GNL3L: variants seen among roughly 807,000 people sequenced by gnomAD.
The protein encoded by GNL3L is G protein nucleolar 3 like, also known as guanine nucleotide-binding protein-like 3-like protein.
Under a neutral mutation model 42.9 loss-of-function variants are expected in GNL3L, and 4 were observed. That is an observed-to-expected ratio of 0.09 (90% confidence interval 0.05 to 0.21). The LOEUF (loss-of-function observed/expected upper bound fraction) is 0.21. Among genes scored for constraint, GNL3L ranks in the 10% least tolerant of loss-of-function variants. GNL3L has a pLI of 1.00. For synonymous variants in GNL3L, 159 were observed against 176.3 expected (o/e 0.90, Z 0.78); for missense variants, 412 against 481.7 (o/e 0.86, Z 1.36).
chrX:54,597,126 A>G (rs1391199560), intron 16 of GNL3L, among the ~76,000 whole-genome samples: 3 of 111,366 alleles, frequency 2.7e-5, no homozygotes, highest in African/African-American at 9.8e-5. Context: ...CCCCATAGCC[A>G]CTACAGCTGG....
downstream of GNL3L, among the ~76,000 whole-genome samples, chrX:54,571,590 C>G (rs1371566434): frequency 9.3e-6 from 1 of 107,392 alleles, no homozygotes; most frequent in Admixed American, 1.0e-4. Context: ...CCACCTCCGC[C>G]TTGCGAGCAG....
At position 54,601,638 on chromosome X, in the gene GNL3L, C is replaced by G. The variant is rs1435521943; in HGVS notation, c.*46-19207C>G. On this transcript the variant is annotated intron_variant, in intron 16 of 16. Coordinates refer to the GNL3L transcript ENST00000674498. ...TATTATAAATTTTTTGTTTATTGTCCTATAAACTTTAACACATATGTAGAT... is the reference window on the plus strand; with the variant it reads ...TATTATAAATTTTTTGTTTATTGTCGTATAAACTTTAACACATATGTAGAT... 4.5e-5 allele frequency among the ~76,000 whole-genome samples: 5 copies of G among 111,316 alleles called. No individual in the cohort carries two copies. In the Admixed American group the frequency reaches 4.8e-4, roughly 11 times the overall value.
chrX:54,532,578 T>G lies in GNL3L; in HGVS notation c.12T>G (p.Leu4=). The change falls in exon 2 of 16, where the codon CTT becomes CTG. Residue 4 remains leucine (L), a synonymous_variant. Transcript: ENST00000360845. ...TCAAGCTGGTCATCATGATGAAACTTAGACACAGTGAGTTTCCTTTACCAC... is the reference window on the plus strand; with the variant it reads ...TCAAGCTGGTCATCATGATGAAACTGAGACACAGTGAGTTTCCTTTACCAC... MMK[L]RHKNKKPGEG... 8.5e-7 allele frequency: 1 copy of G among 1,181,034 alleles called. No individual in the cohort carries two copies. Among genetic ancestry groups the G allele is most frequent in the African/African-American group, 1.7e-5 (1 of 57,323 alleles).
At chrX:54,543,918 A>G (rs1924696091) in intron 7 of GNL3L, 2 of 229,779 alleles carry the variant, frequency 8.7e-6, no homozygotes, top group Non-Finnish European at 7.6e-6. Context: ...TAGGAAACAC[A>G]ATATTTGGGG....
chrX:54,559,169 G>A (rs1356382908), intron 15 of GNL3L, among the ~76,000 whole-genome samples: 1 of 111,575 alleles, frequency 9.0e-6, no homozygotes, highest in Non-Finnish European at 1.9e-5. Flanking sequence ...CTTCTGTGGG[G>A]CCTGTTAGAA....
At chrX:54,534,781 C>T (rs920132091) in intron 2 of GNL3L, among the ~76,000 whole-genome samples, 1 of 110,875 alleles carries the variant, frequency 9.0e-6, no homozygotes, top group African/African-American at 3.3e-5. Flanking sequence ...TGACTGCACC[C>T]CCTTCTCCTT....
chrX:54,607,036 C>CTT (rs1385455273), intron 16 of GNL3L, among the ~76,000 whole-genome samples: 1 of 65,464 alleles, frequency 1.5e-5, no homozygotes, highest in Non-Finnish European at 2.5e-5. Context: ...TTCTTTCTTT[C>CTT]TTTCTTTCTT....
the GNL3L span, among the ~76,000 whole-genome samples, chrX:54,626,627 C>G: frequency 3.4e-3 from 375 of 111,755 alleles, 2 homozygotes; most frequent in African/African-American, 0.012. Context: ...ACTAATTATA[C>G]TTCCACCAAC....
At position 54,563,297 on chromosome X, in the gene GNL3L, A is replaced by T. The variant is rs1387260594; in HGVS notation, c.*2695A>T. On this transcript the variant is annotated 3_prime_UTR_variant, in exon 16 of 16. Coordinates refer to ENST00000360845, the MANE Select transcript of GNL3L (RefSeq NM_001184819.2). ...ATACATTCAGAATGCACCTCTACTTATGATGGGGCTACTTCCTGGTAAACC... is the reference window on the plus strand; with the variant it reads ...ATACATTCAGAATGCACCTCTACTTTTGATGGGGCTACTTCCTGGTAAACC... Among the ~76,000 whole-genome samples, 1 of 111,780 alleles carries T rather than the reference A, an allele frequency of 8.9e-6. No homozygotes were observed. Among genetic ancestry groups the T allele is most frequent in the African/African-American group, 3.3e-5 (1 of 30,753 alleles).
intron 8 of GNL3L, among the ~76,000 whole-genome samples, chrX:54,545,983 G>A (rs1924762392): frequency 8.9e-6 from 1 of 112,143 alleles, no homozygotes; most frequent in African/African-American, 3.2e-5. Flanking sequence ...TGAGTACCTT[G>A]GACTATAAGT....
rs1301857224 is a variant in GNL3L at position 54,598,021 on chromosome X, A to G, written c.*46-22824A>G. On this transcript the variant is annotated intron_variant, in intron 16 of 16. Coordinates refer to the GNL3L transcript ENST00000674498. ...TTAAAACCAGGTACTGTAAGTGCTT[A>G]CCTGATGTTTTGTTCTTATGAAGGT... Among the ~76,000 whole-genome samples, 8 of 110,890 alleles carry G rather than the reference A, an allele frequency of 7.2e-5. No homozygotes were observed. The Admixed American group carries it at 7.7e-4, about 11-fold the overall frequency.
the GNL3L span, among the ~76,000 whole-genome samples, chrX:54,640,599 A>G: frequency 2.7e-5 from 3 of 112,500 alleles, no homozygotes; most frequent in Admixed American, 2.8e-4. Flanking sequence ...ACCAAAATAT[A>G]TCTCTGCAAG....
intron 16 of GNL3L, among the ~76,000 whole-genome samples, chrX:54,583,136 T>A (rs1925739154): frequency 8.9e-6 from 1 of 111,738 alleles, no homozygotes; most frequent in Non-Finnish European, 1.9e-5. Context: ...CCTAATAGAG[T>A]CTTTCACAGA....
chrX:54,548,479 A>G (rs1474105061), intron 9 of GNL3L, 106 bp downstream of exon 9: 2 of 632,506 alleles, frequency 3.2e-6, no homozygotes, highest in East Asian at 7.1e-5. Context: ...GGGAGAGAGG[A>G]GTGGTTCAGG....
chrX:54,578,999 T>A (rs1165415226), intron 16 of GNL3L, among the ~76,000 whole-genome samples: 1 of 112,376 alleles, frequency 8.9e-6, no homozygotes, highest in African/African-American at 3.2e-5. Context: ...ATGTTCTTAT[T>A]TGACATTCAT....
chrX:54,633,982 TC>T, the GNL3L span, among the ~76,000 whole-genome samples: 1 of 112,735 alleles, frequency 8.9e-6, no homozygotes, highest in Non-Finnish European at 1.9e-5. Flanking sequence ...TGGTGCGAAA[TC>T]AACTGTCAGT....
intron 9 of GNL3L, among the ~76,000 whole-genome samples, chrX:54,548,797 G>A (rs1281277577): frequency 9.0e-6 from 1 of 111,335 alleles, no homozygotes; most frequent in Admixed American, 9.6e-5. Context: ...GGGAAATTGA[G>A]AGAGGCAGAG....
In GNL3L at chrX:54,551,671, G is replaced by A. The variant is rs372448751; in HGVS notation, c.967G>A (p.Val323Ile). ...SEVGTILRNC[V>I]HVQKLADPVT... ...GGTGGGCACCATCCTGCGTAACTGC[G>A]TCCACGTGCAGAAGCTGGCAGACCC... The change falls in exon 11 of 16, where the codon GTC (valine) becomes ATC (isoleucine). Residue 323 changes from valine to isoleucine, a missense_variant. Coordinates refer to ENST00000360845, the MANE Select transcript of GNL3L (RefSeq NM_001184819.2). The A allele has an allele frequency of 3.0e-4, 367 of 1,209,458 alleles. No homozygotes were observed. Among genetic ancestry groups the A allele is most frequent in the Non-Finnish European group, 3.7e-4 (332 of 894,626 alleles).
chrX:54,612,741 G>A (rs1352317729), intron 16 of GNL3L, among the ~76,000 whole-genome samples: 2 of 111,495 alleles, frequency 1.8e-5, no homozygotes, highest in African/African-American at 6.5e-5. Context: ...TGTTTGAGGA[G>A]GCTGAAGATA....
Sources: allele counts gnomAD v4.1 joint callset (sites outside exome capture counted in the v4.1 genomes callset), GRCh38; gene constraint gnomAD v4.1.1; transcripts MANE v1.5; gene names NCBI Gene and HGNC (gene_info 2026-07-23, HGNC 2026-07-21).